The following ALK variants were observed in gnomAD, a reference collection of about 807,000 sequenced individuals.
ALK encodes ALK receptor tyrosine kinase.
In ALK, 74 loss-of-function variants were observed where a neutral mutation model predicts 163.1. The observed-to-expected ratio is 0.45, with a 90% CI of 0.38 to 0.55. ALK has a LOEUF of 0.55. ALK is among the 20% of genes least tolerant of loss of function. The pLI is 0.00. For missense variants in ALK, 2,063 were observed against 2,105.3 expected (o/e 0.98, Z 0.39); for synonymous variants, 960 against 843.2 (o/e 1.14, Z -2.40).
At chr2:29,219,241 GTCC>G (rs1242831878) in intron 23 of ALK, among the ~76,000 whole-genome samples, 1 of 152,186 alleles carries the variant, frequency 6.6e-6, no homozygotes, top group Non-Finnish European at 1.5e-5. Context: ...TCCCTGCCCA[GTCC>G]TCCTGCCAGG....
chr2:29,844,322 C>G (rs1572429335), intron 1 of ALK, among the ~76,000 whole-genome samples: 1 of 152,110 alleles, frequency 6.6e-6, no homozygotes, highest in East Asian at 1.9e-4. Flanking sequence ...TGAGCAGTGC[C>G]CCCCGGGGCC....
At chr2:29,817,413 T>A (rs1200029809) in intron 1 of ALK, among the ~76,000 whole-genome samples, 1 of 152,200 alleles carries the variant, frequency 6.6e-6, no homozygotes, top group Non-Finnish European at 1.5e-5. Context: ...AGATGGCATC[T>A]TTTCTATTGG....
chr2:29,295,922 CT>C (rs1412850672), intron 9 of ALK, among the ~76,000 whole-genome samples: 3 of 152,176 alleles, frequency 2.0e-5, no homozygotes, highest in African/African-American at 7.2e-5. Context: ...CCCCTCGCCC[CT>C]CTTTTGTCTG....
At chr2:29,379,246 T>C (rs1242947904) in intron 5 of ALK, among the ~76,000 whole-genome samples, 1 of 152,230 alleles carries the variant, frequency 6.6e-6, no homozygotes, top group East Asian at 1.9e-4. Flanking sequence ...TTGTGTAAGC[T>C]GCTCTTTCAC....
chr2:29,410,765 C>T (rs1014473472), intron 4 of ALK, among the ~76,000 whole-genome samples: 1 of 152,072 alleles, frequency 6.6e-6, no homozygotes, highest in Non-Finnish European at 1.5e-5. Context: ...CATGAATGAA[C>T]CTTGGAGGAG....
At chr2:29,342,303 G>C (rs1667816717) in intron 5 of ALK, among the ~76,000 whole-genome samples, 1 of 152,150 alleles carries the variant, frequency 6.6e-6, no homozygotes, top group African/African-American at 2.4e-5. Context: ...CTTCCATATG[G>C]ATGAACCTTG....
At chr2:29,212,609 C>G (rs1031278682) in intron 24 of ALK, among the ~76,000 whole-genome samples, 6 of 152,196 alleles carry the variant, frequency 3.9e-5, no homozygotes, top group African/African-American at 1.4e-4. Flanking sequence ...GACTTTGGAA[C>G]TTAGGCAAGT....
At chr2:29,895,956 T>C (rs982904328) in intron 1 of ALK, among the ~76,000 whole-genome samples, 2 of 152,194 alleles carry the variant, frequency 1.3e-5, no homozygotes, top group African/African-American at 4.8e-5. Flanking sequence ...CTGTGTTTGA[T>C]GCCAGAACAT....
intron 3 of ALK, among the ~76,000 whole-genome samples, chr2:29,568,543 C>T (rs1204919726): frequency 6.6e-6 from 1 of 151,934 alleles, no homozygotes; most frequent in African/African-American, 2.4e-5. Context: ...CTTTTCAAGT[C>T]GAGAGTTCTT....
intron 3 of ALK, among the ~76,000 whole-genome samples, chr2:29,644,704 G>A (rs953002940): frequency 3.8e-5 from 5 of 131,180 alleles, no homozygotes; most frequent in African/African-American, 9.3e-5. Context: ...GTTTGTCTCC[G>A]ACACAGATGG....
intron 1 of ALK, among the ~76,000 whole-genome samples, chr2:29,814,808 C>T (rs550022474): frequency 3.3e-5 from 5 of 151,368 alleles, no homozygotes; most frequent in Non-Finnish European, 7.4e-5. Flanking sequence ...TGGGACTAAT[C>T]CCTATTCACA....
At chr2:29,555,816 A>G (rs767394715) in intron 3 of ALK, among the ~76,000 whole-genome samples, 1 of 152,242 alleles carries the variant, frequency 6.6e-6, no homozygotes, top group Non-Finnish European at 1.5e-5. Flanking sequence ...AAATCAGAAG[A>G]GAAAACAGAG....
intron 25 of ALK, among the ~76,000 whole-genome samples, chr2:29,209,232 G>A (rs1374539302): frequency 6.6e-6 from 1 of 152,100 alleles, no homozygotes; most frequent in African/African-American, 2.4e-5. Flanking sequence ...TGGAACCGAT[G>A]GACAACCTAA....
chr2:29,547,032 G>A (rs1187560648), intron 3 of ALK, among the ~76,000 whole-genome samples: 1 of 152,184 alleles, frequency 6.6e-6, no homozygotes, highest in African/African-American at 2.4e-5. Context: ...GCACCCATGG[G>A]CCTCTCACCC....
chr2:29,512,295 C>T (rs1443549968), intron 4 of ALK, among the ~76,000 whole-genome samples: 1 of 150,822 alleles, frequency 6.6e-6, no homozygotes, highest in East Asian at 1.9e-4. Flanking sequence ...AAAGCTTATC[C>T]ACCATGATCA....
At chr2:29,619,189 A>T (rs141810265) in intron 3 of ALK, among the ~76,000 whole-genome samples, 1 of 152,218 alleles carries the variant, frequency 6.6e-6, no homozygotes. Flanking sequence ...GATCTGTGAC[A>T]TTGGAAACAA....
chr2:29,263,744 G>A (rs1665145341), intron 11 of ALK, among the ~76,000 whole-genome samples: 1 of 152,178 alleles, frequency 6.6e-6, no homozygotes, highest in Admixed American at 6.5e-5. Context: ...GTAACCATGA[G>A]GCAACAAGCA....
intron 4 of ALK, among the ~76,000 whole-genome samples, chr2:29,391,352 A>T (rs2148307464): frequency 6.8e-6 from 1 of 147,312 alleles, no homozygotes; most frequent in South Asian, 2.1e-4. Flanking sequence ...CCCAGGCTGG[A>T]GTGCAGTGGC....
chr2:29,615,277 A>C (rs1429790563), intron 3 of ALK, among the ~76,000 whole-genome samples: 1 of 152,054 alleles, frequency 6.6e-6, no homozygotes, highest in South Asian at 2.1e-4. Context: ...CAGCCCCCGC[A>C]CCCCTGACTC....
Sources: allele counts gnomAD v4.1 joint callset (sites outside exome capture counted in the v4.1 genomes callset), GRCh38; gene constraint gnomAD v4.1.1; transcripts MANE v1.5; gene names NCBI Gene and HGNC (gene_info 2026-07-23, HGNC 2026-07-21).